COL24A1: variants seen among roughly 807,000 people sequenced by gnomAD.
COL24A1 encodes the protein collagen alpha-1(XXIV) chain.
Under a neutral mutation model 253.9 loss-of-function variants are expected in COL24A1, and 224 were observed. That is an observed-to-expected ratio of 0.88 (90% CI 0.79 to 0.99). COL24A1 has a LOEUF of 0.99. Ranked by LOEUF, COL24A1 falls within the 50% of genes least tolerant of loss-of-function variation. COL24A1 has a pLI of 0.00. For synonymous variants in COL24A1, 685 were observed against 673.7 expected (o/e 1.02, Z -0.26); for missense variants, 2,131 against 2,068.5 (o/e 1.03, Z -0.59).
chr1:85,836,880 G>A (rs1208661415), intron 43 of COL24A1, among the ~76,000 whole-genome samples: 1 of 152,184 alleles, frequency 6.6e-6, no homozygotes, highest in East Asian at 1.9e-4. Flanking sequence ...TCCAGAAAAC[G>A]CCGGCAGGGC....
At chr1:85,816,929 T>C (rs1401848654) in intron 46 of COL24A1, 34 bp from the exon 47 acceptor site, 12 of 1,433,244 alleles carry the variant, frequency 8.4e-6, no homozygotes, top group Non-Finnish European at 1.2e-5. Context: ...ATTGTAGAGA[T>C]GCTGAAAAGA....
At chr1:85,763,929 A>G (rs1231210077) in intron 53 of COL24A1, among the ~76,000 whole-genome samples, 1 of 152,232 alleles carries the variant, frequency 6.6e-6, no homozygotes, top group Non-Finnish European at 1.5e-5. Context: ...ACGATCCTCC[A>G]AAAGTAACAT....
intron 47 of COL24A1, among the ~76,000 whole-genome samples, chr1:85,813,752 C>T (rs12145864): frequency 0.35 from 53,005 of 150,786 alleles, 10,203 homozygotes; most frequent in Non-Finnish European, 0.43. Flanking sequence ...GGGGTTTCAC[C>T]GTTTTAGCCG....
rs117563447 is a variant in COL24A1, at chr1:86,019,190, C to T, written c.2257-1986G>A. Among the ~76,000 whole-genome samples the T allele has an allele frequency of 2.5e-3, 377 of 152,256 alleles. 10 individuals are homozygous for T. In the East Asian group the frequency reaches 0.047, roughly 19 times the overall value. On this transcript the variant is annotated intron_variant, in intron 18 of 59. Transcript: ENST00000370571. ...ATAATAACTGATTCTGCATAAGCAA[C>T]TTTTCATCAAACAAGTGTCTCCTTC...
chr1:85,892,047 T>C (rs1683190548), intron 31 of COL24A1, among the ~76,000 whole-genome samples: 1 of 152,150 alleles, frequency 6.6e-6, no homozygotes, highest in Non-Finnish European at 1.5e-5. Flanking sequence ...ACATAATAAA[T>C]ATCATTTGTT....
intron 48 of COL24A1, 121 bp downstream of exon 48, chr1:85,786,233 T>C (rs1669672113): frequency 1.2e-6 from 1 of 817,668 alleles, no homozygotes; most frequent in South Asian, 2.5e-5. Context: ...AACGTGCTTT[T>C]ACTATTAGCC....
At chr1:86,063,637 G>A in intron 8 of COL24A1, 78 bp downstream of exon 8, 1 of 1,057,882 alleles carries the variant, frequency 9.5e-7, no homozygotes, top group Non-Finnish European at 1.3e-6. Flanking sequence ...AAAAATGGGG[G>A]AAAATAATCT....
At chr1:85,757,014 A>C (rs1666336404) in intron 55 of COL24A1, among the ~76,000 whole-genome samples, 1 of 152,218 alleles carries the variant, frequency 6.6e-6, no homozygotes. Flanking sequence ...TCGAATTCAT[A>C]GAGACAGAAA....
At chr1:86,048,063 T>A (rs771738835) in intron 11 of COL24A1, among the ~76,000 whole-genome samples, 1 of 152,194 alleles carries the variant, frequency 6.6e-6, no homozygotes, top group South Asian at 2.1e-4. Context: ...ATTTACATAA[T>A]ACAAACAATC....
rs374800674 is a variant in COL24A1, at chr1:85,737,449, A to G, written c.4729T>C (p.Cys1577Arg). ...GCPSDAIEVF[C>R]NFSAGGQTCL... Reference sequence around the variant, plus strand: ...GTCTGGCCACCAGCACTGAAATTGCAGAAAACCTCAATGGCATCTGAAGGA... The same window carrying G: ...GTCTGGCCACCAGCACTGAAATTGCGGAAAACCTCAATGGCATCTGAAGGA... Residue 1577 changes from cysteine to arginine, a missense_variant, in exon 58 of 60, where the codon TGC becomes CGC. By Grantham distance (180) the Cys-to-Arg change is radical. Coordinates refer to ENST00000370571, the MANE Select transcript of COL24A1 (RefSeq NM_152890.7). The G allele has an allele frequency of 1.9e-5, 30 of 1,613,194 alleles. No individual in the cohort carries two copies. Among genetic ancestry groups the G allele is most frequent in the Non-Finnish European group, 2.4e-5 (28 of 1,179,468 alleles).
chr1:85,943,015 A>G (rs1290337114), intron 24 of COL24A1, among the ~76,000 whole-genome samples: 2 of 152,302 alleles, frequency 1.3e-5, no homozygotes, highest in East Asian at 1.9e-4. Context: ...GTGGACTACT[A>G]GCTGGAGAAG....
chr1:86,065,444 A>T (rs2101798544), intron 7 of COL24A1, among the ~76,000 whole-genome samples: 1 of 152,242 alleles, frequency 6.6e-6, no homozygotes, highest in African/African-American at 2.4e-5. Flanking sequence ...TTTTATGCAC[A>T]CTTCTCTTTA....
intron 7 of COL24A1, among the ~76,000 whole-genome samples, chr1:86,070,199 T>G (rs544825017): frequency 9.2e-5 from 14 of 152,126 alleles, no homozygotes; most frequent in Non-Finnish European, 1.8e-4. Context: ...GAAGAATGTA[T>G]CAGAGTCCTT....
chr1:85,838,725 C>G, intron 42 of COL24A1, 87 bp from the exon 43 acceptor site: 1 of 1,258,254 alleles, frequency 7.9e-7, no homozygotes, highest in East Asian at 2.3e-5. Flanking sequence ...GTTGTTTATT[C>G]TTTTGTCAAA....
chr1:85,806,923 G>A lies in COL24A1; in HGVS notation c.3951+9865C>T, dbSNP rs116467579. 6.5e-3 allele frequency among the ~76,000 whole-genome samples: 991 copies of A among 152,294 alleles called. 9 individuals are homozygous for A. Among genetic ancestry groups the A allele is most frequent in the African/African-American group, 0.023 (950 of 41,570 alleles). On this transcript the variant is annotated intron_variant, in intron 47 of 59. Transcript: ENST00000370571. ...GACTGAGAACCCAACCCACTGTAAG[G>A]CTTGCAGAATTTGCATATTAATACA...
At chr1:85,844,025 A>G (rs1402960218) in intron 39 of COL24A1, among the ~76,000 whole-genome samples, 3 of 152,134 alleles carry the variant, frequency 2.0e-5, no homozygotes, top group Admixed American at 1.3e-4. Context: ...GAAAAAAAAC[A>G]GTAAGAAAGC....
chr1:85,996,045 AT>A (rs1469662988), intron 19 of COL24A1, among the ~76,000 whole-genome samples: 2 of 152,176 alleles, frequency 1.3e-5, no homozygotes, highest in Non-Finnish European at 2.9e-5. Flanking sequence ...TGGTTTCACA[AT>A]TTATACATAT....
intron 2 of COL24A1, among the ~76,000 whole-genome samples, chr1:86,126,756 G>C (rs1352299956): frequency 6.6e-6 from 1 of 151,998 alleles, no homozygotes; most frequent in African/African-American, 2.4e-5. Context: ...CACCACGCCT[G>C]ATCTCCAAAA....
chr1:85,852,875 C>T lies in COL24A1; in HGVS notation c.3301-3469G>A, dbSNP rs1025990869. ...ATGTTGCCCAGGCGGGACTTGAACT[C>T]CTAGGATCAAGCAATCCACTCACCT... is the stretch of plus-strand genomic sequence containing the variant. On this transcript the variant is annotated intron_variant, in intron 37 of 59. Transcript: ENST00000370571. 1.1e-4 allele frequency among the ~76,000 whole-genome samples: 17 copies of T among 152,226 alleles called. No individual in the cohort carries two copies. In the South Asian group the frequency reaches 1.7e-3, roughly 15 times the overall value.
Sources: gnomAD v4.1 joint callset for allele counts (sites outside exome capture counted in the v4.1 genomes callset) on GRCh38, gnomAD v4.1.1 for gene constraint, MANE v1.5 for transcripts, NCBI Gene and HGNC (gene_info 2026-07-23, HGNC 2026-07-21) for gene names.